ARHGAP31: variants seen among roughly 807,000 people sequenced by gnomAD.
ARHGAP31 encodes the protein Rho GTPase activating protein 31, also known as rho GTPase-activating protein 31.
ARHGAP31 carries 34 observed loss-of-function variants against 113.9 expected under a neutral mutation model. That is an observed-to-expected ratio of 0.30 (90% CI 0.23 to 0.40). The LOEUF is 0.40. Among genes scored for constraint, ARHGAP31 ranks in the 10% least tolerant of loss-of-function variants. The probability of loss-of-function intolerance (pLI) is 1.00; values close to 1 mark genes in which losing one functional copy is unlikely to be tolerated. For synonymous variants in ARHGAP31, 650 were observed against 684.8 expected (o/e 0.95, Z 0.79); for missense variants, 1,548 against 1,767.1 (o/e 0.88, Z 2.22).
chr3:119,406,459 A>G (rs1015540186), intron 10 of ARHGAP31, among the ~76,000 whole-genome samples: 48 of 152,372 alleles, frequency 3.2e-4, no homozygotes, highest in Admixed American at 7.2e-4. Context: ...ACGTCATGGC[A>G]TTATTTGTAA....
In ARHGAP31 at chr3:119,383,203, C is replaced by T. The variant is rs2080418229; in HGVS notation, c.659C>T (p.Ala220Val). 2 of 1,614,030 alleles carry T rather than the reference C, an allele frequency of 1.2e-6. No homozygotes were observed. The highest frequency in any genetic ancestry group is 1.7e-5 in the Admixed American group (1 of 60,004). The change falls in exon 6 of 12, where the codon GCA becomes GTA. Residue 220 changes from alanine (A) to valine (V), a missense_variant. By Grantham distance (64) the Ala-to-Val change is moderately conservative. Transcript: ENST00000264245. ...NHVDQIFNNG[A>V]PGSLENDENR... ...GTAGATCAAATCTTTAACAACGGTG[C>T]ACCTGGGTCTCTGGAGAATGATGGT...
rs1267097492 is a variant in ARHGAP31 at position 119,402,405 on chromosome 3, G to C, written c.1645+8G>C. On this transcript the variant is annotated splice_region_variant and intron_variant, in intron 10 of 11. Coordinates refer to ENST00000264245, the MANE Select transcript of ARHGAP31 (RefSeq NM_020754.4). ...GAGCTGAGACTTCTGCAGGTAAGTAGAGGAGAGAGGGTATCTTTCCGTTGC... is the reference window on the plus strand; with the variant it reads ...GAGCTGAGACTTCTGCAGGTAAGTACAGGAGAGAGGGTATCTTTCCGTTGC... 4.3e-6 allele frequency: 7 copies of C among 1,611,480 alleles called. No individual in the cohort carries two copies. In the Admixed American group the frequency reaches 1.0e-4, roughly 23 times the overall value.
intron 7 of ARHGAP31, among the ~76,000 whole-genome samples, chr3:119,391,608 C>CCA (rs1156848734): frequency 1.4e-5 from 2 of 140,736 alleles, no homozygotes; most frequent in Non-Finnish European, 3.1e-5. Flanking sequence ...TCCCCCCCGC[C>CCA]GTCACTCATA....
At chr3:119,310,556 TAGG>T (rs2079670409) in intron 1 of ARHGAP31, among the ~76,000 whole-genome samples, 1 of 152,210 alleles carries the variant, frequency 6.6e-6, no homozygotes, top group South Asian at 2.1e-4. Context: ...GCATTTCTAA[TAGG>T]AGCGCCAATC....
At chr3:119,347,421 C>G (rs1182546682) in intron 1 of ARHGAP31, among the ~76,000 whole-genome samples, 1 of 152,222 alleles carries the variant, frequency 6.6e-6, no homozygotes, top group African/African-American at 2.4e-5. Flanking sequence ...AAGACTGTAT[C>G]AGGTATTCCC....
chr3:119,326,991 A>G (rs2079849943), intron 1 of ARHGAP31, among the ~76,000 whole-genome samples: 1 of 151,972 alleles, frequency 6.6e-6, no homozygotes, highest in Admixed American at 6.5e-5. Context: ...TACACAAAAA[A>G]TTAGCCAGGC....
intron 1 of ARHGAP31, among the ~76,000 whole-genome samples, chr3:119,343,002 C>T (rs1204054356): frequency 6.6e-6 from 1 of 151,836 alleles, no homozygotes; most frequent in East Asian, 1.9e-4. Flanking sequence ...ATGAAATTAG[C>T]ATCCATGAAC....
chr3:119,411,620 AG>A (rs1214640833), intron 11 of ARHGAP31, among the ~76,000 whole-genome samples: 1 of 152,202 alleles, frequency 6.6e-6, no homozygotes, highest in Non-Finnish European at 1.5e-5. Context: ...CAGTTAATGT[AG>A]GTGCTGAGGA....
chr3:119,321,279 C>CTATATATATATATATAGTATATATATATG (rs2079782319), intron 1 of ARHGAP31, among the ~76,000 whole-genome samples: 3 of 140,438 alleles, frequency 2.1e-5, no homozygotes, highest in Non-Finnish European at 4.6e-5. Flanking sequence ...TATATATATA[C>CTATATATATATATATAGTATATATATATG]TATATATATA....
In ARHGAP31 at chr3:119,415,803, C is replaced by T. The variant is rs1559999903; in HGVS notation, c.3874C>T (p.Pro1292Ser). 1.2e-6 allele frequency: 2 copies of T among 1,614,258 alleles called. No homozygotes were observed. Among genetic ancestry groups the T allele is most frequent in the Middle Eastern group, 1.6e-4 (1 of 6,062 alleles). The change falls in exon 12 of 12, where the codon CCA (proline) becomes TCA (serine). Residue 1292 changes from proline (P) to serine (S), a missense_variant. Coordinates refer to ENST00000264245, the MANE Select transcript of ARHGAP31 (RefSeq NM_020754.4). ...MCEGPTLSPE[P>S]GSSNLLSTQD... ...CGAGGGACCTACCCTTTCTCCAGAACCAGGCTCGTCTAACCTGCTCTCCAC... is the reference window on the plus strand; with the variant it reads ...CGAGGGACCTACCCTTTCTCCAGAATCAGGCTCGTCTAACCTGCTCTCCAC...
At chr3:119,311,118 G>A (rs910358833) in intron 1 of ARHGAP31, among the ~76,000 whole-genome samples, 2 of 152,156 alleles carry the variant, frequency 1.3e-5, no homozygotes, top group Admixed American at 6.5e-5. Context: ...TTGGCCAATC[G>A]TCTCCGTTCC....
rs2079791458 is a variant in ARHGAP31 at position 119,321,955 on chromosome 3, T to G, written c.100+26951T>G. 2.6e-5 allele frequency among the ~76,000 whole-genome samples: 4 copies of G among 152,194 alleles called. No homozygotes were observed. In the South Asian group the frequency reaches 8.3e-4, roughly 31 times the overall value. On this transcript the variant is annotated intron_variant, in intron 1 of 11. Coordinates refer to ENST00000264245, the MANE Select transcript of ARHGAP31 (RefSeq NM_020754.4). Reference sequence around the variant, plus strand: ...GGCGTGAGCCACCACGCCCGGCCCATAGTAGTTTATCATATAAATATGCCA... The same window carrying G: ...GGCGTGAGCCACCACGCCCGGCCCAGAGTAGTTTATCATATAAATATGCCA...
intron 1 of ARHGAP31, among the ~76,000 whole-genome samples, chr3:119,330,581 A>G (rs1213739264): frequency 6.6e-6 from 1 of 152,146 alleles, no homozygotes; most frequent in East Asian, 1.9e-4. Flanking sequence ...ATAAACCTGG[A>G]TTTATTATTA....
intron 1 of ARHGAP31, among the ~76,000 whole-genome samples, chr3:119,295,757 TA>T (rs1230531230): frequency 2.1e-5 from 3 of 142,786 alleles, no homozygotes; most frequent in East Asian, 4.1e-4. Context: ...CAGATGGGGG[TA>T]GGGGGGAGTT....
chr3:119,336,742 A>G (rs1469343691), intron 1 of ARHGAP31, among the ~76,000 whole-genome samples: 2 of 152,214 alleles, frequency 1.3e-5, no homozygotes, highest in Non-Finnish European at 2.9e-5. Flanking sequence ...CAATGACCAC[A>G]ATCAATCTTA....
chr3:119,394,682 C>T (rs939471022), intron 8 of ARHGAP31, among the ~76,000 whole-genome samples: 12 of 152,044 alleles, frequency 7.9e-5, no homozygotes, highest in Non-Finnish European at 1.8e-4. Context: ...TGACCGAGCA[C>T]AGTGGTTCGT....
chr3:119,392,461 A>G (rs1399822807), intron 7 of ARHGAP31, among the ~76,000 whole-genome samples: 2 of 152,180 alleles, frequency 1.3e-5, no homozygotes, highest in Non-Finnish European at 2.9e-5. Flanking sequence ...AACAACAACA[A>G]CAACAACAAA....
At chr3:119,299,908 G>T (rs1253120722) in intron 1 of ARHGAP31, among the ~76,000 whole-genome samples, 2 of 152,236 alleles carry the variant, frequency 1.3e-5, no homozygotes, top group Non-Finnish European at 2.9e-5. Context: ...GAAGGCAGGG[G>T]TTTTTTCTTT....
chr3:119,373,639 T>C (rs1409608520), intron 3 of ARHGAP31, among the ~76,000 whole-genome samples: 2 of 152,160 alleles, frequency 1.3e-5, no homozygotes, highest in Admixed American at 6.5e-5. Flanking sequence ...AATTTTTGTA[T>C]TTTTAGTAGA....
Sources: allele counts gnomAD v4.1 joint callset (sites outside exome capture counted in the v4.1 genomes callset), GRCh38; gene constraint gnomAD v4.1.1; transcripts MANE v1.5; gene names NCBI Gene and HGNC (gene_info 2026-07-23, HGNC 2026-07-21).